SNRNP40: variants seen among roughly 807,000 people sequenced by gnomAD.
SNRNP40 encodes the protein small nuclear ribonucleoprotein U5 subunit 40.
In SNRNP40, 21 loss-of-function variants were observed where a neutral mutation model predicts 45.8. That is an observed-to-expected ratio of 0.46 (90% confidence interval 0.32 to 0.66). SNRNP40 has a LOEUF of 0.66. Among genes scored for constraint, SNRNP40 ranks in the 30% least tolerant of loss-of-function variants. The probability of loss-of-function intolerance (pLI) is 0.03; values close to 1 mark genes in which losing one functional copy is unlikely to be tolerated. For missense variants in SNRNP40, 344 were observed against 439.1 expected, an observed-to-expected ratio of 0.78 and a Z score of 1.94; for synonymous variants, 142 against 163.8, an observed-to-expected ratio of 0.87 and a Z score of 1.01.
chr1:31,279,644 G>A (rs1229543617), intron 5 of SNRNP40, among the ~76,000 whole-genome samples: 1 of 152,074 alleles, frequency 6.6e-6, no homozygotes, highest in African/African-American at 2.4e-5. Context: ...CTACTCAGGA[G>A]GCTGAGGCAA....
At chr1:31,273,337 C>A (rs1182234519) in intron 5 of SNRNP40, among the ~76,000 whole-genome samples, 1 of 152,074 alleles carries the variant, frequency 6.6e-6, no homozygotes, top group Non-Finnish European at 1.5e-5. Context: ...AAAAAAGTAT[C>A]CAGGATTTGC....
At position 31,293,256 on chromosome 1, in the gene SNRNP40, T is replaced by A; in HGVS notation, c.234A>T (p.Gly78=). 1 of 1,614,092 alleles carries A rather than the reference T, an allele frequency of 6.2e-7. No homozygotes were observed. The highest frequency in any genetic ancestry group is 2.2e-5 in the East Asian group (1 of 44,888). The change falls in exon 2 of 10, where the codon GGA becomes GGT. Residue 78 remains glycine (G), a synonymous_variant. Coordinates refer to ENST00000263694, the MANE Select transcript of SNRNP40 (RefSeq NM_004814.3). The part of the protein sequence containing the change: ...EVYCCKFHPN[G]STLASAGFDR... ...CAAATCCTGCAGATGCTAAGGTGGA[T>A]CCGTTGGGGTGGAACTTGCAGCAGT... is the stretch of plus-strand genomic sequence containing the variant.
chr1:31,270,371 T>C (rs1645929126), intron 6 of SNRNP40, among the ~76,000 whole-genome samples: 1 of 152,216 alleles, frequency 6.6e-6, no homozygotes, highest in Admixed American at 6.5e-5. Context: ...TTGGGAGGCT[T>C]GCCTGGGCCC....
chr1:31,275,601 G>A (rs929668110), intron 5 of SNRNP40, among the ~76,000 whole-genome samples: 1 of 152,134 alleles, frequency 6.6e-6, no homozygotes, highest in African/African-American at 2.4e-5. Context: ...CGTTGGCCAG[G>A]CTGGTCTGGA....
At chr1:31,261,506 C>T (rs41303429) in intron 9 of SNRNP40, 23 bp downstream of exon 9, 43,851 of 1,498,646 alleles carry the variant, frequency 0.029, 769 homozygotes, top group Non-Finnish European at 0.034. Context: ...GTTTCCCTTT[C>T]CCCCTCGTTG....
intron 4 of SNRNP40, among the ~76,000 whole-genome samples, chr1:31,282,997 C>A (rs143632269): frequency 7.5e-4 from 114 of 152,224 alleles, no homozygotes; most frequent in African/African-American, 2.5e-3. Flanking sequence ...ATCTAGACCA[C>A]TTGCATGTCC....
chr1:31,289,340 C>T lies in SNRNP40; in HGVS notation c.445G>A (p.Gly149Arg). 1.9e-6 allele frequency: 3 copies of T among 1,614,016 alleles called. No homozygotes were observed. Among genetic ancestry groups the T allele is most frequent in the Non-Finnish European group, 2.5e-6 (3 of 1,179,884 alleles). Residue 149 changes from glycine (G) to arginine (R), a missense_variant, in exon 4 of 10, where the codon GGA (glycine) becomes AGA (arginine). By Grantham distance (125) the Gly-to-Arg change is moderately radical. This residue lies in a region of SNRNP40 where 254 missense variants were observed against 380.2 expected (regional missense o/e 0.67). Coordinates refer to ENST00000263694, the MANE Select transcript of SNRNP40 (RefSeq NM_004814.3). Reference sequence around the variant, plus strand: ...CAGGAATTCACAAAGGAAGTATGTCCCTTTAGCCTTTTAACCCTCTCACCT... The same window carrying T: ...CAGGAATTCACAAAGGAAGTATGTCTCTTTAGCCTTTTAACCCTCTCACCT... ...ETGERVKRLK[G>R]HTSFVNSCYP...
intron 6 of SNRNP40, 44 bp from the exon 7 acceptor site, chr1:31,269,284 C>A: frequency 1.2e-6 from 2 of 1,609,868 alleles, no homozygotes; most frequent in South Asian, 2.2e-5. Context: ...AAACAACTAT[C>A]GGCCAGAGGC....
chr1:31,279,766 A>T (rs1242663702), intron 5 of SNRNP40, among the ~76,000 whole-genome samples: 1 of 151,538 alleles, frequency 6.6e-6, no homozygotes, highest in Non-Finnish European at 1.5e-5. Flanking sequence ...AAAAGTAGAA[A>T]AGAAGAGGTT....
chr1:31,275,401 T>C (rs903906641), intron 5 of SNRNP40, among the ~76,000 whole-genome samples: 1 of 146,514 alleles, frequency 6.8e-6, no homozygotes, highest in African/African-American at 2.5e-5. Context: ...CAGGGTATTT[T>C]TTTTTCTAAT....
chr1:31,283,875 C>T (rs1278398806), intron 4 of SNRNP40, among the ~76,000 whole-genome samples: 1 of 152,132 alleles, frequency 6.6e-6, no homozygotes, highest in Non-Finnish European at 1.5e-5. Context: ...TAACATGATA[C>T]ACAAAAATTA....
rs201357459 is a variant in SNRNP40 at position 31,289,427 on chromosome 1, G to A, written c.366-8C>T. The A allele has an allele frequency of 2.5e-6, 4 of 1,607,160 alleles. No individual in the cohort carries two copies. Among genetic ancestry groups the A allele is most frequent in the African/African-American group, 1.3e-5 (1 of 74,696 alleles). ...GATGCTGAGAAAAGCATACTAGAAA[G>A]TAAGAGAAAGAATAAAAAAGAAATA... On this transcript the variant is annotated splice_polypyrimidine_tract_variant and splice_region_variant and intron_variant, in intron 3 of 9. Transcript: ENST00000263694.
intron 5 of SNRNP40, among the ~76,000 whole-genome samples, chr1:31,273,627 T>C (rs1033963411): frequency 8.1e-6 from 1 of 124,086 alleles, no homozygotes; most frequent in South Asian, 2.6e-4. Flanking sequence ...GCAACAAGAA[T>C]AAAACTCTGT....
At chr1:31,278,025 G>A (rs1645988643) in intron 5 of SNRNP40, among the ~76,000 whole-genome samples, 1 of 152,102 alleles carries the variant, frequency 6.6e-6, no homozygotes, top group African/African-American at 2.4e-5. Context: ...CACCAACAGA[G>A]TACTGAACAA....
At chr1:31,296,549 T>TA (rs1397833873) in intron 1 of SNRNP40, 62 bp downstream of exon 1, 1 of 1,542,356 alleles carries the variant, frequency 6.5e-7, no homozygotes, top group Non-Finnish European at 8.7e-7. Context: ...GATCACCAGA[T>TA]ACAGCGCTCT....
intron 4 of SNRNP40, among the ~76,000 whole-genome samples, chr1:31,283,103 AG>A (rs1646031506): frequency 1.3e-5 from 2 of 152,202 alleles, no homozygotes. Context: ...AGCTAAGGAG[AG>A]ATGTAAACTG....
At chr1:31,293,409 G>A in intron 1 of SNRNP40, 61 bp from the exon 2 acceptor site, 1 of 1,511,616 alleles carries the variant, frequency 6.6e-7, no homozygotes, top group Non-Finnish European at 8.9e-7. Flanking sequence ...TACAAAATTA[G>A]GGGGTGGGGA....
chr1:31,296,714 G>T lies in SNRNP40; in HGVS notation c.38C>A (p.Pro13Gln). 3 of 1,613,512 alleles carry T rather than the reference G, an allele frequency of 1.9e-6. No homozygotes were observed. Among genetic ancestry groups the T allele is most frequent in the East Asian group, 2.2e-5 (1 of 44,814 alleles). ...EQQKRKGPEL[P>Q]LVPVKRQRHE... ...CCGCTGCCGCTTGACTGGAACCAGC[G>T]GCAACTCTGGGCCCTTACGCTTCTG... Residue 13 changes from proline (P) to glutamine (Q), a missense_variant, in exon 1 of 10, where the codon CCG becomes CAG. By Grantham distance (76) the Pro-to-Gln change is moderately conservative. Transcript: ENST00000263694.
intron 6 of SNRNP40, 45 bp from the exon 7 acceptor site, chr1:31,269,285 G>A (rs369320899): frequency 4.4e-6 from 7 of 1,608,138 alleles, no homozygotes; most frequent in South Asian, 2.2e-5. Flanking sequence ...AACAACTATC[G>A]GCCAGAGGCC....
Sources: gnomAD v4.1 joint callset for allele counts (sites outside exome capture counted in the v4.1 genomes callset) on GRCh38, gnomAD v4.1.1 for gene constraint, gnomAD v4.1.1 regional missense constraint, MANE v1.5 for transcripts, NCBI Gene and HGNC (gene_info 2026-07-23, HGNC 2026-07-21) for gene names.